TMEM74: variants seen among roughly 807,000 people sequenced by gnomAD.
TMEM74 encodes transmembrane protein 74.
TMEM74 carries 13 observed loss-of-function variants against 18.1 expected under a neutral mutation model. That is an observed-to-expected ratio of 0.72 (90% CI 0.47 to 1.14). TMEM74 has a LOEUF of 1.14. Ranked by LOEUF, TMEM74 falls within the 50% of genes most tolerant of loss-of-function variation. TMEM74 has a pLI of 0.00. For missense variants in TMEM74, 372 were observed against 375.9 expected, an observed-to-expected ratio of 0.99 and a Z score of 0.09; for synonymous variants, 159 against 146.6, an observed-to-expected ratio of 1.08 and a Z score of -0.61.
intron 1 of TMEM74, among the ~76,000 whole-genome samples, chr8:108,729,133 CCTTACTGAAGGCAAAGGGAAA>C (rs771978677): frequency 9.2e-5 from 14 of 152,296 alleles, no homozygotes; most frequent in Middle Eastern, 3.4e-3. Flanking sequence ...GAGCTGCATT[CCTTACTGAAGGCAAAGGGAAA>C]AAACTACTCT....
intron 1 of TMEM74, among the ~76,000 whole-genome samples, chr8:108,759,406 G>A (rs540026406): frequency 1.3e-5 from 2 of 152,132 alleles, no homozygotes; most frequent in East Asian, 1.9e-4. Flanking sequence ...TTTATTCTAT[G>A]AATATATTTG....
intron 1 of TMEM74, among the ~76,000 whole-genome samples, chr8:108,761,386 A>G (rs1420365009): frequency 6.6e-6 from 1 of 152,160 alleles, no homozygotes; most frequent in Non-Finnish European, 1.5e-5. Flanking sequence ...AAACACAGTA[A>G]GTCTACAATA....
chr8:108,735,042 T>A (rs949907559), intron 1 of TMEM74, among the ~76,000 whole-genome samples: 1 of 152,202 alleles, frequency 6.6e-6, no homozygotes, highest in Non-Finnish European at 1.5e-5. Context: ...TGTAAATCTA[T>A]CTCTAATTCC....
chr8:108,642,036 G>A (rs1039384702), intron 2 of TMEM74, among the ~76,000 whole-genome samples: 6 of 152,094 alleles, frequency 3.9e-5, no homozygotes. Context: ...ATTAGCTGAA[G>A]GATCCATGTA....
intron 1 of TMEM74, among the ~76,000 whole-genome samples, chr8:108,656,889 A>T (rs918738698): frequency 3.3e-5 from 5 of 152,162 alleles, no homozygotes; most frequent in African/African-American, 9.6e-5. Context: ...GGATTTTCTC[A>T]TATTGAACTT....
chr8:108,609,499 T>C (rs1256645200), intron 2 of TMEM74, among the ~76,000 whole-genome samples: 1 of 151,996 alleles, frequency 6.6e-6, no homozygotes, highest in Non-Finnish European at 1.5e-5. Flanking sequence ...AATATAAAAA[T>C]TAGCTGGGCT....
intron 1 of TMEM74, among the ~76,000 whole-genome samples, chr8:108,770,978 C>T (rs1042778585): frequency 6.6e-6 from 1 of 152,124 alleles, no homozygotes; most frequent in Admixed American, 6.6e-5. Flanking sequence ...CACATCGTCC[C>T]TTGTCACTCA....
At chr8:108,608,789 A>G (rs952853575) in exon 3 of TMEM74, 2 of 152,192 alleles carry the variant, frequency 1.3e-5, no homozygotes, top group South Asian at 2.1e-4. Flanking sequence ...AATCTTTTCC[A>G]GAGGTCTTGG....
intron 1 of TMEM74, among the ~76,000 whole-genome samples, chr8:108,673,719 G>T (rs188929415): frequency 6.6e-6 from 1 of 152,286 alleles, no homozygotes; most frequent in East Asian, 1.9e-4. Context: ...AAGTAGAGGG[G>T]ACAAAAAGAA....
At chr8:108,626,040 G>A (rs763089079) in intron 2 of TMEM74, among the ~76,000 whole-genome samples, 4 of 151,902 alleles carry the variant, frequency 2.6e-5, no homozygotes, top group African/African-American at 9.7e-5. Flanking sequence ...CCAGAATTGG[G>A]ATTATTTCTA....
downstream of TMEM74, among the ~76,000 whole-genome samples, chr8:108,777,618 C>T (rs1214221390): frequency 6.6e-6 from 1 of 152,012 alleles, no homozygotes; most frequent in African/African-American, 2.4e-5. Context: ...ATAAAACAGC[C>T]AGTATAAATT....
intron 1 of TMEM74, among the ~76,000 whole-genome samples, chr8:108,730,775 G>A (rs1385384562): frequency 6.6e-6 from 1 of 151,802 alleles, no homozygotes; most frequent in Admixed American, 6.6e-5. Context: ...TGGGACTACA[G>A]GCACCCGCCA....
intron 1 of TMEM74, among the ~76,000 whole-genome samples, chr8:108,688,886 A>G (rs1813197482): frequency 6.6e-6 from 1 of 152,178 alleles, no homozygotes; most frequent in Non-Finnish European, 1.5e-5. Context: ...GGCATTGAAT[A>G]TCTAAAAGCA....
intron 1 of TMEM74, among the ~76,000 whole-genome samples, chr8:108,699,192 C>CTTCCTTT (rs1813312491): frequency 3.0e-5 from 4 of 132,988 alleles, no homozygotes; most frequent in African/African-American, 8.4e-5. Context: ...TTCCTCCCTC[C>CTTCCTTT]CTCCCTCCCT....
chr8:108,772,943 A>G (rs1287465382), intron 1 of TMEM74, among the ~76,000 whole-genome samples: 2 of 152,186 alleles, frequency 1.3e-5, no homozygotes, highest in African/African-American at 4.8e-5. Flanking sequence ...GGCCTGGCAC[A>G]TTATAAGCAC....
At chr8:108,692,304 C>T (rs1813239550) in intron 1 of TMEM74, among the ~76,000 whole-genome samples, 1 of 152,134 alleles carries the variant, frequency 6.6e-6, no homozygotes, top group African/African-American at 2.4e-5. Flanking sequence ...TTTCAGTCCT[C>T]AACATCTAAC....
At chr8:108,672,471 CTTA>C (rs1813013292) in intron 1 of TMEM74, among the ~76,000 whole-genome samples, 1 of 152,114 alleles carries the variant, frequency 6.6e-6, no homozygotes, top group Non-Finnish European at 1.5e-5. Context: ...CAGTATCTTT[CTTA>C]TTGTCTGGTG....
intron 1 of TMEM74, among the ~76,000 whole-genome samples, chr8:108,733,720 T>C (rs112235989): frequency 6.6e-6 from 1 of 152,334 alleles, no homozygotes; most frequent in African/African-American, 2.4e-5. Context: ...ATATTCAGCA[T>C]TTATTTTCTT....
chr8:108,615,949 G>A lies in TMEM74; in HGVS notation n.265-7123C>T, dbSNP rs545389761. ...CTACAGGCACGTGCCACCACACCCA[G>A]CTAATTTTTGTATTTTTAGTAGAGA... On this transcript the variant is annotated intron_variant and non_coding_transcript_variant, in intron 2 of 3. Transcript: ENST00000518838. Among the ~76,000 whole-genome samples, 46 of 149,512 alleles carry A rather than the reference G, an allele frequency of 3.1e-4. No homozygotes were observed. The East Asian group carries it at 3.2e-3, about 11-fold the overall frequency.
Sources: gnomAD v4.1 joint callset for allele counts (sites outside exome capture counted in the v4.1 genomes callset) on GRCh38, gnomAD v4.1.1 for gene constraint, MANE v1.5 for transcripts, NCBI Gene and HGNC (gene_info 2026-07-23, HGNC 2026-07-21) for gene names.